Variants in RPL8 observed in about 807,000 individuals in gnomAD.
RPL8 encodes large ribosomal subunit protein uL2.
For missense variants in RPL8, 248 were observed against 365.9 expected, an observed-to-expected ratio of 0.68 and a Z score of 2.63; for synonymous variants, 182 against 143.2, an observed-to-expected ratio of 1.27 and a Z score of -1.94.
intron 3 of RPL8, 149 bp from the exon 4 acceptor site, chr8:144,790,619 C>G: frequency 1.4e-6 from 1 of 696,492 alleles, no homozygotes; most frequent in South Asian, 1.6e-5. Context: ...CCCTTGCACC[C>G]TGTGAGCTGA....
chr8:144,792,357 A>G lies in RPL8; in HGVS notation c.-228T>C. 1.4e-6 allele frequency: 1 copy of G among 694,962 alleles called. No homozygotes were observed. Among genetic ancestry groups the G allele is most frequent in the Non-Finnish European group, 2.1e-6 (1 of 485,006 alleles). 43.0% of individuals were successfully genotyped at this position (694,962 alleles called of 1,614,324 possible). A position where few individuals can be genotyped will look rare whatever the true frequency, so the allele number is the denominator to read the frequency against. On this transcript the variant is annotated 5_prime_UTR_variant, in exon 1 of 5. Coordinates refer to ENST00000528957, the MANE Select transcript of RPL8 (RefSeq NM_001317782.2). ...CTGCCCATGCCGCAAGGCCGCAAGGATGACCTACCTGTTCACCAGCGCGGC... is the reference window on the plus strand; with the variant it reads ...CTGCCCATGCCGCAAGGCCGCAAGGGTGACCTACCTGTTCACCAGCGCGGC...
At chr8:144,791,631 GTGGCCACTGGTC>G in intron 2 of RPL8, 130 bp downstream of exon 2, 1 of 1,483,584 alleles carries the variant, frequency 6.7e-7, no homozygotes, top group Non-Finnish European at 9.2e-7. Flanking sequence ...GCACCCACCG[GTGGCCACTGGTC>G]TGGCCACGCG....
intron 2 of RPL8, 119 bp downstream of exon 2, chr8:144,791,654 G>A (rs113461437): frequency 0.059 from 90,994 of 1,537,078 alleles, 3,276 homozygotes; most frequent in Non-Finnish European, 0.071. Flanking sequence ...TGGCCACGCG[G>A]ATGTCCCCAC....
intron 3 of RPL8, 49 bp from the exon 4 acceptor site, chr8:144,790,519 C>G: frequency 1.5e-6 from 2 of 1,375,954 alleles, no homozygotes; most frequent in Non-Finnish European, 2.1e-6. Context: ...TCAGAGCACC[C>G]CCACCTCCCC....
At chr8:144,790,008 C>CA in intron 4 of RPL8, 46 bp from the exon 5 acceptor site, 1 of 1,560,590 alleles carries the variant, frequency 6.4e-7, no homozygotes, top group African/African-American at 1.4e-5. Flanking sequence ...CCCCACCACC[C>CA]CCGCCCCCGG....
In RPL8 at chr8:144,790,344, G is replaced by C; in HGVS notation, c.615+11C>G. ...CTTCAATACCCAACCCTGCATTTCT[G>C]GGTTACTTACATTCATGGCCACACC... On this transcript the variant is annotated intron_variant, in intron 4 of 4. Coordinates refer to ENST00000528957, the MANE Select transcript of RPL8 (RefSeq NM_001317782.2). 1 of 1,607,534 alleles carries C rather than the reference G, an allele frequency of 6.2e-7. No individual in the cohort carries two copies. The highest frequency in any genetic ancestry group is 1.1e-5 in the South Asian group (1 of 90,940).
rs1425174932 is a variant in RPL8, at chr8:144,791,662, CA to C, written c.280+110del. The C allele has an allele frequency of 3.9e-6, 6 of 1,554,478 alleles. No individual in the cohort carries two copies. The African/African-American group carries it at 8.1e-5, about 21-fold the overall frequency. ...ACTGGTCTGGCCACGCGGATGTCCC[CA>C]CCTGAAGCTTCTGCCTGCGAGGTTC... On this transcript the variant is annotated intron_variant, in intron 2 of 4. Transcript: ENST00000528957.
Position 144,792,347 on chromosome 8 carries a change from G to A in RPL8, c.-218C>T. On this transcript the variant is annotated 5_prime_UTR_variant, in exon 1 of 5. Coordinates refer to ENST00000528957, the MANE Select transcript of RPL8 (RefSeq NM_001317782.2). ...GCGGCGGATACTGCCCATGCCGCAA[G>A]GCCGCAAGGATGACCTACCTGTTCA... 8.1e-6 allele frequency: 6 copies of A among 739,086 alleles called. No individual in the cohort carries two copies. Among genetic ancestry groups the A allele is most frequent in the Non-Finnish European group, 1.2e-5 (6 of 521,694 alleles). The allele number at this position is 739,086 out of a possible 1,614,324, so 45.8% of individuals were successfully genotyped here.
chr8:144,790,920 T>G (rs1164664463), intron 3 of RPL8: 3 of 465,412 alleles, frequency 6.4e-6, no homozygotes, highest in African/African-American at 2.0e-5. Flanking sequence ...AAATCCTTTT[T>G]CACTCACTCA....
chr8:144,792,174 G>T lies in RPL8; in HGVS notation c.-45C>A, dbSNP rs1489247828. The T allele has an allele frequency of 6.9e-7, 1 of 1,444,606 alleles. No individual in the cohort carries two copies. Among genetic ancestry groups the T allele is most frequent in the East Asian group, 2.7e-5 (1 of 37,640 alleles). 89.5% of individuals were successfully genotyped at this position (1,444,606 alleles called of 1,614,324 possible). ...GACTCACGATTAGCGCGGCCGGGCG[G>T]CCCGGGTACCCCCGCCAGCCCGGCT... On this transcript the variant is annotated 5_prime_UTR_variant, in exon 1 of 5. Transcript: ENST00000528957.
rs771139511 is a variant in RPL8, at chr8:144,790,333, C to T, written c.615+22G>A. ...GGCCACTGTAACTTCAATACCCAAC[C>T]CTGCATTTCTGGGTTACTTACATTC... On this transcript the variant is annotated intron_variant, in intron 4 of 4. Transcript: ENST00000528957. 1.1e-5 allele frequency: 17 copies of T among 1,595,636 alleles called. 1 individual carries two copies. Among genetic ancestry groups the T allele is most frequent in the South Asian group, 3.3e-5 (3 of 90,720 alleles).
intron 3 of RPL8, chr8:144,790,979 G>A: frequency 2.0e-6 from 1 of 490,316 alleles, no homozygotes; most frequent in East Asian, 4.1e-5. Context: ...TCTCTAAAAA[G>A]GCTGTTAACC....
At chr8:144,790,717 G>C (rs763699309) in intron 3 of RPL8, 7 of 676,974 alleles carry the variant, frequency 1.0e-5, no homozygotes, top group East Asian at 2.8e-5. Flanking sequence ...CAAGCGCAGG[G>C]AAGCACCCCC....
At position 144,790,475 on chromosome 8, in the gene RPL8, A is replaced by AGG. The variant is rs1826465204; in HGVS notation, c.500-7_500-6dup. On this transcript the variant is annotated splice_region_variant and splice_polypyrimidine_tract_variant and intron_variant, in intron 3 of 4. Coordinates refer to ENST00000528957, the MANE Select transcript of RPL8 (RefSeq NM_001317782.2). ...GGCCACCTCCAGCCACCACACCTGT[A>AGG]GGGGATCAGATACCTCAGGGAACCC... The AGG allele has an allele frequency of 1.2e-6, 2 of 1,608,598 alleles. No homozygotes were observed.
At position 144,792,287 on chromosome 8, in the gene RPL8, G is replaced by A. The variant is rs1055074135; in HGVS notation, c.-158C>T. 3.7e-6 allele frequency: 4 copies of A among 1,095,742 alleles called. No individual in the cohort carries two copies. Among genetic ancestry groups the A allele is most frequent in the South Asian group, 2.3e-5 (1 of 43,920 alleles). The allele number at this position is 1,095,742 out of a possible 1,614,324, so 67.9% of individuals were successfully genotyped here. ...GCACCGGCATCCTCTCAGGAGGGCC[G>A]GTCCGGGTCTCAGCGCGCCTCACGG... On this transcript the variant is annotated 5_prime_UTR_variant, in exon 1 of 5. Coordinates refer to ENST00000528957, the MANE Select transcript of RPL8 (RefSeq NM_001317782.2).
intron 4 of RPL8, 23 bp from the exon 5 acceptor site, chr8:144,789,985 T>G: frequency 6.3e-7 from 1 of 1,590,266 alleles, no homozygotes; most frequent in Non-Finnish European, 8.6e-7. Flanking sequence ...AAAGATGGCT[T>G]TAGAAACCTC....
At chr8:144,791,631 G>T in intron 2 of RPL8, 136 bp from the exon 3 acceptor site, 1 of 1,483,582 alleles carries the variant, frequency 6.7e-7, no homozygotes, top group Non-Finnish European at 9.2e-7. Flanking sequence ...GCACCCACCG[G>T]TGGCCACTGG....
Position 144,792,359 on chromosome 8 carries a change from G to GACCT in RPL8, c.-234_-231dup. The GACCT allele has an allele frequency of 1.5e-6, 1 of 688,332 alleles. No homozygotes were observed. Among genetic ancestry groups the GACCT allele is most frequent in the East Asian group, 3.5e-5 (1 of 28,660 alleles). The allele number at this position is 688,332 out of a possible 1,614,324, so 42.6% of individuals were successfully genotyped here. A position where few individuals can be genotyped will look rare whatever the true frequency, so the allele number is the denominator to read the frequency against. The stretch of plus-strand genomic sequence containing the variant: ...GCCCATGCCGCAAGGCCGCAAGGAT[G>GACCT]ACCTACCTGTTCACCAGCGCGGCCG... On this transcript the variant is annotated 5_prime_UTR_variant, in exon 1 of 5. Coordinates refer to ENST00000528957, the MANE Select transcript of RPL8 (RefSeq NM_001317782.2).
intron 4 of RPL8, 78 bp downstream of exon 4, chr8:144,790,277 C>T: frequency 2.5e-6 from 3 of 1,211,014 alleles, no homozygotes; most frequent in Non-Finnish European, 3.6e-6. Context: ...GCAGGGACAC[C>T]TGTGGATGGG....
Sources: gnomAD v4.1 joint callset for allele counts on GRCh38, gnomAD v4.1.1 for gene constraint, MANE v1.5 for transcripts, NCBI Gene and HGNC (gene_info 2026-07-23, HGNC 2026-07-21) for gene names.